The following ADAMTS17 variants were observed in gnomAD, a reference collection of about 807,000 sequenced individuals.
The protein encoded by ADAMTS17 is ADAM metallopeptidase with thrombospondin type 1 motif 17, also known as A disintegrin and metalloproteinase with thrombospondin motifs 17.
Under a neutral mutation model 141.5 loss-of-function variants are expected in ADAMTS17, and 113 were observed. The observed-to-expected ratio is 0.80, with a 90% CI of 0.69 to 0.93. The LOEUF is 0.93. Ranked by LOEUF, ADAMTS17 falls within the 40% of genes least tolerant of loss-of-function variation. The pLI, the probability that ADAMTS17 is intolerant of heterozygous loss-of-function variation, is 0.00. For missense variants in ADAMTS17, 1,659 were observed against 1,517.9 expected, an observed-to-expected ratio of 1.09 and a Z score of -1.54; for synonymous variants, 768 against 630.6, an observed-to-expected ratio of 1.22 and a Z score of -3.27.
At chr15:100,014,062 G>T (rs1821333438) in intron 18 of ADAMTS17, among the ~76,000 whole-genome samples, 1 of 151,968 alleles carries the variant, frequency 6.6e-6, no homozygotes, top group Non-Finnish European at 1.5e-5. Flanking sequence ...CAATCTCGCT[G>T]CTTGTTATTG....
At position 99,973,706 on chromosome 15, in the gene ADAMTS17, C is replaced by CT. The variant is rs2060258868; in HGVS notation, c.*695dup. 1 of 154,822 alleles carries CT rather than the reference C, an allele frequency of 6.5e-6. No homozygotes were observed. The highest frequency in any genetic ancestry group is 2.4e-5 in the African/African-American group (1 of 41,448). 9.6% of individuals were successfully genotyped at this position (154,822 alleles called of 1,614,324 possible). A position where few individuals can be genotyped will look rare whatever the true frequency, so the allele number is the denominator to read the frequency against. The stretch of plus-strand genomic sequence containing the variant: ...AATTAGATGCTTCCCCAAACCCAGA[C>CT]TCTCTTGGAACATTCTTCCCATGCG... On this transcript the variant is annotated 3_prime_UTR_variant, in exon 22 of 22. Transcript: ENST00000268070.
intron 3 of ADAMTS17, among the ~76,000 whole-genome samples, chr15:100,298,139 C>T (rs1215898588): frequency 1.8e-4 from 28 of 152,088 alleles, no homozygotes; most frequent in Admixed American, 1.8e-3. Flanking sequence ...ATGGCGCAAA[C>T]TTTGGAGAAG....
intron 8 of ADAMTS17, among the ~76,000 whole-genome samples, chr15:100,192,025 A>T (rs2040937035): frequency 6.6e-6 from 1 of 152,236 alleles, no homozygotes; most frequent in South Asian, 2.1e-4. Context: ...TACCTACTAT[A>T]TACCCATAAA....
intron 3 of ADAMTS17, among the ~76,000 whole-genome samples, chr15:100,297,617 C>G (rs75260615): frequency 6.6e-6 from 1 of 152,096 alleles, no homozygotes; most frequent in Admixed American, 6.5e-5. Context: ...TTGGGGACCA[C>G]TGGAATAGGG....
Position 100,135,518 on chromosome 15 carries a change from C to T in ADAMTS17, c.1474-2203G>A, listed in dbSNP as rs540525842. ...CAGGATGGTCTCAATCTCCTGACCT[C>T]GTGATCCACCCGTCTCAGTCTCCCA... is the stretch of plus-strand genomic sequence containing the variant. On this transcript the variant is annotated intron_variant, in intron 10 of 21. Transcript: ENST00000268070. 3.4e-3 allele frequency among the ~76,000 whole-genome samples: 522 copies of T among 152,166 alleles called. 5 individuals are homozygous for T. The highest frequency in any genetic ancestry group is 0.02 in the Middle Eastern group (6 of 294).
intron 7 of ADAMTS17, 37 bp downstream of exon 7, chr15:100,254,099 T>C (rs377531915): frequency 1.3e-6 from 2 of 1,599,714 alleles, no homozygotes; most frequent in South Asian, 1.1e-5. Flanking sequence ...CCAGGGTGTA[T>C]CAGCCCCTTA....
chr15:100,331,708 T>G (rs1225075909), intron 2 of ADAMTS17, among the ~76,000 whole-genome samples: 2 of 152,292 alleles, frequency 1.3e-5, no homozygotes, highest in East Asian at 3.9e-4. Flanking sequence ...TCAGGAGATC[T>G]GGCGGATGAG....
intron 3 of ADAMTS17, among the ~76,000 whole-genome samples, chr15:100,294,797 G>A (rs992637414): frequency 4.6e-5 from 7 of 152,166 alleles, no homozygotes; most frequent in Non-Finnish European, 7.3e-5. Context: ...TCAGAAACAT[G>A]ATAAAACAAA....
chr15:100,162,789 C>A (rs1002125535), intron 8 of ADAMTS17, among the ~76,000 whole-genome samples: 3 of 144,954 alleles, frequency 2.1e-5, no homozygotes, highest in Non-Finnish European at 4.5e-5. Flanking sequence ...TACATATGCA[C>A]ATATACACAG....
chr15:100,037,361 T>C (rs79743889), intron 18 of ADAMTS17, among the ~76,000 whole-genome samples: 6,981 of 152,250 alleles, frequency 0.046, 331 homozygotes, highest in African/African-American at 0.12. Context: ...AATTAGGTTC[T>C]GTGTCATCTT....
At chr15:100,063,711 A>G in intron 15 of ADAMTS17, 1 of 1,290,008 alleles carries the variant, frequency 7.8e-7, no homozygotes, top group Admixed American at 2.3e-5. Flanking sequence ...ATCCTCCACC[A>G]CACGGATCCT....
chr15:100,248,800 T>C (rs977607941), intron 7 of ADAMTS17, among the ~76,000 whole-genome samples: 10 of 145,706 alleles, frequency 6.9e-5, no homozygotes, highest in Non-Finnish European at 1.5e-4. Flanking sequence ...CTTCTGGTGT[T>C]AATTTTTTTT....
intron 13 of ADAMTS17, among the ~76,000 whole-genome samples, chr15:100,110,542 A>G (rs6598303): frequency 0.68 from 103,210 of 151,656 alleles, 36,178 homozygotes; most frequent in African/African-American, 0.86. Flanking sequence ...GGGATTATAG[A>G]AGTGAGCCAC....
At chr15:100,171,489 C>G (rs1266728954) in intron 8 of ADAMTS17, among the ~76,000 whole-genome samples, 1 of 152,160 alleles carries the variant, frequency 6.6e-6, no homozygotes, top group African/African-American at 2.4e-5. Flanking sequence ...CAAACCCTGA[C>G]CCCTGCACGC....
At chr15:100,245,333 A>G (rs28599934) in intron 7 of ADAMTS17, among the ~76,000 whole-genome samples, 2,861 of 152,330 alleles carry the variant, frequency 0.019, 111 homozygotes, top group African/African-American at 0.065. Flanking sequence ...CCCAGTCAGA[A>G]CAATGAAGGG....
intron 3 of ADAMTS17, among the ~76,000 whole-genome samples, chr15:100,296,913 T>C (rs1325545894): frequency 6.6e-6 from 1 of 152,216 alleles, no homozygotes; most frequent in Non-Finnish European, 1.5e-5. Flanking sequence ...ACAATGTAGG[T>C]GCCCATCTAG....
At chr15:99,984,614 G>T (rs1165025168) in intron 20 of ADAMTS17, among the ~76,000 whole-genome samples, 2 of 152,310 alleles carry the variant, frequency 1.3e-5, no homozygotes, top group East Asian at 3.9e-4. Flanking sequence ...ATGCTTGGAT[G>T]CCATTCACTC....
intron 8 of ADAMTS17, among the ~76,000 whole-genome samples, chr15:100,161,889 G>A (rs557591212): frequency 3.9e-5 from 6 of 152,320 alleles, no homozygotes; most frequent in African/African-American, 1.2e-4. Flanking sequence ...TGCGGAGAAG[G>A]TATTTGTTTG....
chr15:100,332,609 T>C (rs1040839215), intron 2 of ADAMTS17, among the ~76,000 whole-genome samples: 5 of 152,190 alleles, frequency 3.3e-5, no homozygotes, highest in African/African-American at 1.2e-4. Flanking sequence ...TAAAAAGCAG[T>C]CAGCTGTTAG....
Sources: allele counts gnomAD v4.1 joint callset (sites outside exome capture counted in the v4.1 genomes callset), GRCh38; gene constraint gnomAD v4.1.1; transcripts MANE v1.5; gene names NCBI Gene and HGNC (gene_info 2026-07-23, HGNC 2026-07-21).